The following THRB variants were observed in gnomAD, a reference collection of about 807,000 sequenced individuals.
THRB encodes nuclear receptor subfamily 1 group A member 2.
In THRB, 12 loss-of-function variants were observed where a neutral mutation model predicts 47.8. That is an observed-to-expected ratio of 0.25 (90% confidence interval 0.16 to 0.41). The LOEUF is 0.41. Among genes scored for constraint, THRB ranks in the 10% least tolerant of loss-of-function variants. The pLI is 1.00. For synonymous variants in THRB, 218 were observed against 212.2 expected (o/e 1.03, Z -0.24); for missense variants, 348 against 589.2 (o/e 0.59, Z 4.24).
chr3:24,217,265 C>G (rs1030853366), intron 4 of THRB, among the ~76,000 whole-genome samples: 1 of 151,680 alleles, frequency 6.6e-6, no homozygotes, highest in Non-Finnish European at 1.5e-5. Context: ...TTGAAAAGGC[C>G]CAAGGGAAGT....
intron 1 of THRB, among the ~76,000 whole-genome samples, chr3:24,344,493 C>G (rs1443039012): frequency 6.6e-6 from 1 of 152,076 alleles, no homozygotes; most frequent in East Asian, 1.9e-4. Flanking sequence ...CCCTGAACAT[C>G]AAATTCTGAC....
chr3:24,186,611 T>C (rs1484234574), intron 5 of THRB, among the ~76,000 whole-genome samples: 2 of 152,128 alleles, frequency 1.3e-5, no homozygotes, highest in Non-Finnish European at 2.9e-5. Context: ...TCACTTAGGA[T>C]GCTTACAGCA....
intron 1 of THRB, among the ~76,000 whole-genome samples, chr3:24,398,976 G>C (rs1028878039): frequency 6.6e-6 from 1 of 151,824 alleles, no homozygotes; most frequent in Non-Finnish European, 1.5e-5. Context: ...ACTATCGCAA[G>C]GACAAAAAAC....
At chr3:24,429,340 T>C (rs1463526300) in intron 1 of THRB, among the ~76,000 whole-genome samples, 1 of 151,322 alleles carries the variant, frequency 6.6e-6, no homozygotes, top group Non-Finnish European at 1.5e-5. Context: ...ATATGTAAGT[T>C]ATATGCATAT....
chr3:24,289,793 T>C (rs991723684), intron 3 of THRB, among the ~76,000 whole-genome samples: 6 of 152,174 alleles, frequency 3.9e-5, no homozygotes, highest in Admixed American at 2.0e-4. Context: ...CTGAAGTCAA[T>C]CTCCCTACTT....
chr3:24,143,305 T>C lies in THRB; in HGVS notation c.738+196A>G, dbSNP rs80210852. Among the ~76,000 whole-genome samples, 1,054 of 152,318 alleles carry C rather than the reference T, an allele frequency of 6.9e-3. 14 individuals are homozygous for C. Among genetic ancestry groups the C allele is most frequent in the African/African-American group, 0.024 (1,006 of 41,564 alleles). ...ATTCAGCAAATCACAAAGTAGATGG[T>C]AGGAGTGGCCTTTATTCTCACACAG... On this transcript the variant is annotated intron_variant, in intron 8 of 10. Transcript: ENST00000646209.
intron 3 of THRB, among the ~76,000 whole-genome samples, chr3:24,263,039 A>G (rs1375367356): frequency 6.6e-6 from 1 of 152,252 alleles, no homozygotes; most frequent in African/African-American, 2.4e-5. Context: ...GACAATAAAT[A>G]TTAGTGTGAC....
chr3:24,323,089 G>T (rs562196019), intron 2 of THRB, among the ~76,000 whole-genome samples: 75 of 152,228 alleles, frequency 4.9e-4, no homozygotes, highest in African/African-American at 1.7e-3. Flanking sequence ...TGGTGTTTAG[G>T]GTTTCCATAA....
intron 2 of THRB, among the ~76,000 whole-genome samples, chr3:24,314,673 C>G (rs1234813690): frequency 6.6e-6 from 1 of 152,158 alleles, no homozygotes; most frequent in Non-Finnish European, 1.5e-5. Context: ...CTCCTGCAGT[C>G]TTTTCTTCTC....
At chr3:24,485,500 A>G (rs1393853784) in intron 1 of THRB, among the ~76,000 whole-genome samples, 1 of 152,190 alleles carries the variant, frequency 6.6e-6, no homozygotes, top group Non-Finnish European at 1.5e-5. Flanking sequence ...CATCACCTCC[A>G]GTCTCTCACT....
chr3:24,137,980 T>C (rs908416302), intron 8 of THRB, among the ~76,000 whole-genome samples: 1 of 151,614 alleles, frequency 6.6e-6, no homozygotes, highest in Non-Finnish European at 1.5e-5. Context: ...CTTGGGGTAG[T>C]GGGGGTGGAG....
In THRB at chr3:24,120,188, C is replaced by G. The variant is rs1461680703; in HGVS notation, c.*2696G>C. On this transcript the variant is annotated 3_prime_UTR_variant, in exon 11 of 11. Coordinates refer to ENST00000646209, the MANE Select transcript of THRB (RefSeq NM_001354712.2). ...AGGAGTTTAGTTTCAGAGTCATTAT[C>G]TTTTGAGTCCTATGGCCTTTCCTTT... 1 of 151,866 alleles carries G rather than the reference C, an allele frequency of 6.6e-6. No individual in the cohort carries two copies. Among genetic ancestry groups the G allele is most frequent in the Non-Finnish European group, 1.5e-5 (1 of 68,012 alleles). The allele number at this position is 151,866 out of a possible 1,614,324, so 9.4% of individuals were successfully genotyped here. A position where few individuals can be genotyped will look rare whatever the true frequency, so the allele number is the denominator to read the frequency against.
chr3:24,138,783 G>A (rs185622369), intron 8 of THRB, among the ~76,000 whole-genome samples: 230 of 152,268 alleles, frequency 1.5e-3, no homozygotes, highest in Non-Finnish European at 3.0e-3. Context: ...CTTGTCTGAA[G>A]CTGCCCCAAT....
intron 3 of THRB, among the ~76,000 whole-genome samples, chr3:24,282,855 G>C (rs1419778890): frequency 6.6e-6 from 1 of 151,002 alleles, no homozygotes; most frequent in African/African-American, 2.4e-5. Context: ...TAAATTCCTT[G>C]ACACATACAC....
intron 2 of THRB, among the ~76,000 whole-genome samples, chr3:24,299,453 G>C (rs189185214): frequency 1.3e-5 from 2 of 152,098 alleles, no homozygotes; most frequent in African/African-American, 4.8e-5. Context: ...TGCTTTTCAA[G>C]AAATTTAATG....
intron 2 of THRB, among the ~76,000 whole-genome samples, chr3:24,336,722 C>CCTTTTTTTTTT (rs1167185445): frequency 4.4e-5 from 6 of 135,944 alleles, no homozygotes; most frequent in African/African-American, 8.2e-5. Flanking sequence ...AATTCTCATG[C>CCTTTTTTTTTT]TTTTTTTTTT....
chr3:24,245,870 G>A (rs1308399117), intron 3 of THRB, among the ~76,000 whole-genome samples: 2 of 152,166 alleles, frequency 1.3e-5, no homozygotes, highest in African/African-American at 4.8e-5. Flanking sequence ...CTGAGATAGT[G>A]GCATTGCACT....
At chr3:24,135,880 T>TA (rs2034605865) in intron 8 of THRB, among the ~76,000 whole-genome samples, 1 of 146,214 alleles carries the variant, frequency 6.8e-6, no homozygotes, top group African/African-American at 2.5e-5. Flanking sequence ...CATATCTATA[T>TA]AATTATATAT....
intron 3 of THRB, among the ~76,000 whole-genome samples, chr3:24,283,724 A>G (rs2054900918): frequency 1.3e-5 from 2 of 150,422 alleles, no homozygotes; most frequent in African/African-American, 4.9e-5. Flanking sequence ...CTGATAAGCA[A>G]CTTCAGCAAA....
Sources: allele counts gnomAD v4.1 joint callset (sites outside exome capture counted in the v4.1 genomes callset), GRCh38; gene constraint gnomAD v4.1.1; transcripts MANE v1.5; gene names NCBI Gene and HGNC (gene_info 2026-07-23, HGNC 2026-07-21).